CDKAL1: variants seen among roughly 807,000 people sequenced by gnomAD.
CDKAL1 encodes the protein CDKAL1 threonylcarbamoyladenosine tRNA methylthiotransferase.
CDKAL1 carries 32 observed loss-of-function variants against 68.2 expected under a neutral mutation model. The observed-to-expected ratio is 0.47, with a 90% CI of 0.35 to 0.63. The LOEUF (loss-of-function observed/expected upper bound fraction) is 0.63, where lower values mean the gene tolerates loss of function less well. CDKAL1 is among the 30% of genes least tolerant of loss of function. The pLI is 0.00. For missense variants in CDKAL1, 606 were observed against 696.7 expected, an observed-to-expected ratio of 0.87 and a Z score of 1.47; for synonymous variants, 234 against 244.3, an observed-to-expected ratio of 0.96 and a Z score of 0.39.
At chr6:20,648,353 C>G (rs112296052) in intron 4 of CDKAL1, among the ~76,000 whole-genome samples, 2,748 of 152,094 alleles carry the variant, frequency 0.018, 87 homozygotes, top group African/African-American at 0.061. Flanking sequence ...TGGTCTTGAA[C>G]TACGGACCTC....
chr6:21,144,667 G>A (rs1257212196), intron 13 of CDKAL1, among the ~76,000 whole-genome samples: 4 of 151,798 alleles, frequency 2.6e-5, no homozygotes, highest in African/African-American at 4.8e-5. Context: ...GGGTGTGGTG[G>A]CATGTACCTA....
At chr6:20,708,986 G>A (rs1425044610) in intron 5 of CDKAL1, among the ~76,000 whole-genome samples, 2 of 152,042 alleles carry the variant, frequency 1.3e-5, no homozygotes, top group Non-Finnish European at 2.9e-5. Context: ...TTATACAGTA[G>A]AACTAAATCC....
intron 13 of CDKAL1, among the ~76,000 whole-genome samples, chr6:21,188,404 A>T (rs1778102112): frequency 6.6e-6 from 1 of 152,158 alleles, no homozygotes; most frequent in Admixed American, 6.5e-5. Context: ...TACTTTTATG[A>T]GTAGGTCCCT....
chr6:21,018,573 G>A (rs905862919), intron 11 of CDKAL1, among the ~76,000 whole-genome samples: 1 of 152,136 alleles, frequency 6.6e-6, no homozygotes, highest in African/African-American at 2.4e-5. Context: ...ATAAGCTTCT[G>A]CCTGAGTAAT....
chr6:20,980,210 TATAG>T (rs1397365562), intron 10 of CDKAL1, among the ~76,000 whole-genome samples: 2 of 151,786 alleles, frequency 1.3e-5, no homozygotes, highest in African/African-American at 4.8e-5. Context: ...TAGATATAGA[TATAG>T]ATATAGATAT....
intron 13 of CDKAL1, among the ~76,000 whole-genome samples, chr6:21,152,737 A>G (rs1318379378): frequency 6.6e-6 from 1 of 152,234 alleles, no homozygotes; most frequent in African/African-American, 2.4e-5. Flanking sequence ...CTGTGAGGAC[A>G]AAGACTGGTT....
intron 12 of CDKAL1, among the ~76,000 whole-genome samples, chr6:21,083,520 C>T (rs142041840): frequency 1.7e-4 from 26 of 152,166 alleles, no homozygotes; most frequent in African/African-American, 6.3e-4. Flanking sequence ...ACATCATGTC[C>T]CTTTACCCCC....
chr6:20,628,559 T>G (rs1347806799), intron 4 of CDKAL1, among the ~76,000 whole-genome samples: 3 of 152,152 alleles, frequency 2.0e-5, no homozygotes, highest in East Asian at 3.8e-4. Context: ...AAAATAGATG[T>G]TCCTTTAACA....
intron 15 of CDKAL1, among the ~76,000 whole-genome samples, chr6:21,203,203 C>T (rs1481181345): frequency 6.8e-6 from 1 of 146,260 alleles, no homozygotes; most frequent in South Asian, 2.2e-4. Context: ...GCATGCACCA[C>T]CATCCTGGCT....
rs1435831643 is a variant in CDKAL1 at position 20,926,885 on chromosome 6, A to ATT, written c.743-28532_743-28531dup. ...GTAATATACCAAGATGTTTCTATAT[A>ATT]TTTATATATATATGTTTATGTATAT... On this transcript the variant is annotated intron_variant, in intron 9 of 15. Coordinates refer to ENST00000274695, the MANE Select transcript of CDKAL1 (RefSeq NM_017774.3). Among the ~76,000 whole-genome samples, 3 of 28,152 alleles carry ATT rather than the reference A, an allele frequency of 1.1e-4. No individual in the cohort carries two copies. The Admixed American group carries it at 1.6e-3, about 15-fold the overall frequency. 18.5% of individuals were successfully genotyped at this position (28,152 alleles called of 152,430 possible). A position where few individuals can be genotyped will look rare whatever the true frequency, so the allele number is the denominator to read the frequency against.
chr6:20,943,749 G>A (rs1156519283), intron 9 of CDKAL1, among the ~76,000 whole-genome samples: 1 of 150,394 alleles, frequency 6.6e-6, no homozygotes, highest in South Asian at 2.1e-4. Flanking sequence ...CATCATGTTT[G>A]TCATTTCTGA....
At chr6:20,782,565 C>G (rs1170791053) in intron 8 of CDKAL1, among the ~76,000 whole-genome samples, 1 of 152,124 alleles carries the variant, frequency 6.6e-6, no homozygotes, top group African/African-American at 2.4e-5. Context: ...AAATTGCAAA[C>G]TTTCTAACAT....
At chr6:21,222,696 C>T (rs1036217207) in intron 15 of CDKAL1, among the ~76,000 whole-genome samples, 3 of 152,008 alleles carry the variant, frequency 2.0e-5, no homozygotes, top group African/African-American at 4.8e-5. Context: ...ACATGAAGCC[C>T]AGGGACAGGG....
At chr6:20,819,749 T>C (rs928675733) in intron 8 of CDKAL1, among the ~76,000 whole-genome samples, 1 of 152,164 alleles carries the variant, frequency 6.6e-6, no homozygotes, top group African/African-American at 2.4e-5. Flanking sequence ...TGAGTTCCTT[T>C]GTATTTTACT....
intron 13 of CDKAL1, among the ~76,000 whole-genome samples, chr6:21,168,756 A>G (rs1282887023): frequency 3.9e-5 from 6 of 152,216 alleles, no homozygotes; most frequent in Non-Finnish European, 7.3e-5. Flanking sequence ...TCTTTTAGGT[A>G]ATGTATTTAG....
chr6:20,680,714 A>G (rs894699255), intron 5 of CDKAL1, among the ~76,000 whole-genome samples: 6 of 152,220 alleles, frequency 3.9e-5, no homozygotes, highest in Admixed American at 3.9e-4. Context: ...GACTGAAGGA[A>G]AACTTTTGCT....
chr6:20,559,295 A>G (rs901747254), intron 4 of CDKAL1: 2 of 152,194 alleles, frequency 1.3e-5, no homozygotes, highest in African/African-American at 2.4e-5. Flanking sequence ...TTCTAAAGGG[A>G]TTAAGGAAAA....
chr6:21,164,639 A>G (rs998573411), intron 13 of CDKAL1, among the ~76,000 whole-genome samples: 2 of 152,218 alleles, frequency 1.3e-5, no homozygotes, highest in Non-Finnish European at 2.9e-5. Flanking sequence ...AGAAGCTTAT[A>G]TTCATAAACA....
At chr6:20,609,408 T>A (rs887653754) in intron 4 of CDKAL1, among the ~76,000 whole-genome samples, 15 of 148,856 alleles carry the variant, frequency 1.0e-4, no homozygotes, top group African/African-American at 2.2e-4. Flanking sequence ...CTTCTTTTTT[T>A]TTTTTGAGAT....
Sources: gnomAD v4.1 joint callset for allele counts (sites outside exome capture counted in the v4.1 genomes callset) on GRCh38, gnomAD v4.1.1 for gene constraint, MANE v1.5 for transcripts, NCBI Gene and HGNC (gene_info 2026-07-23, HGNC 2026-07-21) for gene names.